The following VPS13C variants were observed in gnomAD, a reference collection of about 807,000 sequenced individuals.
VPS13C encodes vacuolar protein sorting 13 homolog C.
Under a neutral mutation model 456.8 loss-of-function variants are expected in VPS13C, and 358 were observed. That is an observed-to-expected ratio of 0.78 (90% CI 0.72 to 0.86). The LOEUF is 0.86. VPS13C is among the 40% of genes least tolerant of loss of function. The pLI, the probability that VPS13C is intolerant of heterozygous loss-of-function variation, is 0.00. For missense variants in VPS13C, 4,818 were observed against 4,385.4 expected (o/e 1.10, Z -2.79); for synonymous variants, 1,578 against 1,486.7 (o/e 1.06, Z -1.41).
rs1248865650 is a variant in VPS13C at position 61,858,423 on chromosome 15, C to T, written c.10953-2014G>A. Reference sequence around the variant, plus strand: ...CCTTTCTCCTCTACATCCACTCAGTCACCAAGCCTTGTCTCATAAGTCAAA... The same window carrying T: ...CCTTTCTCCTCTACATCCACTCAGTTACCAAGCCTTGTCTCATAAGTCAAA... On this transcript the variant is annotated intron_variant, in intron 82 of 84. Transcript: ENST00000644861. This position sits in a 1 kb window ranked among gnomAD's most constrained non-coding sequence, Gnocchi z 4.4. 2.0e-5 allele frequency among the ~76,000 whole-genome samples: 3 copies of T among 152,096 alleles called. No individual in the cohort carries two copies. The highest frequency in any genetic ancestry group is 7.2e-5 in the African/African-American group (3 of 41,400).
rs185692367 is a variant in VPS13C, at chr15:61,927,339, G to C, written c.6287-19C>G. The C allele has an allele frequency of 2.9e-4, 462 of 1,601,916 alleles. 2 individuals are homozygous for C. In the Middle Eastern group the frequency reaches 3.5e-3, roughly 12 times the overall value. On this transcript the variant is annotated intron_variant, in intron 51 of 84. Transcript: ENST00000644861. ...GAGTCATCTGAAGAAACAAGCAACA[G>C]GAACCAGAAAAGTTTAAGGTAAGTC...
intron 1 of VPS13C, among the ~76,000 whole-genome samples, chr15:62,052,553 G>A (rs2048656787): frequency 6.6e-6 from 1 of 151,238 alleles, no homozygotes; most frequent in African/African-American, 2.4e-5. Context: ...GGTGCCTGTA[G>A]TCCTAGCTAC....
rs1332553457 is a variant in VPS13C at position 61,941,615 on chromosome 15, C to A, written c.5453+148G>T. 9 of 796,096 alleles carry A rather than the reference C, an allele frequency of 1.1e-5. No homozygotes were observed. In the African/African-American group the frequency reaches 1.4e-4, roughly 12 times the overall value. 49.3% of individuals were successfully genotyped at this position (796,096 alleles called of 1,614,324 possible). On this transcript the variant is annotated intron_variant, in intron 46 of 84. Transcript: ENST00000644861. ...AGGCACATACATGACTGTTTAACCA[C>A]TGACCAAGAAGCCAATGGTCAAGGT...
At chr15:62,000,516 G>C (rs753914841) in intron 16 of VPS13C, 48 bp downstream of exon 16, 4 of 1,514,980 alleles carry the variant, frequency 2.6e-6, no homozygotes, top group East Asian at 2.3e-5. Context: ...GTTTAAAAGC[G>C]GGCATTAACA....
In VPS13C at chr15:61,917,550, G is replaced by A; in HGVS notation, c.7846C>T (p.His2616Tyr). Residue 2616 changes from histidine to tyrosine, a missense_variant, in exon 60 of 85, where the codon CAT becomes TAT. Physicochemically the swap from His to Tyr is moderately conservative, Grantham distance 83. Coordinates refer to ENST00000644861, the MANE Select transcript of VPS13C (RefSeq NM_020821.3). ...ATGCATCTGACTTCCCTGCTCCTAT[G>A]AAGTTCTTCCTTCCAGGAAATATAA... ...TTYISWKEEL[H>Y]RSREVRCMLQ... 2 of 1,614,004 alleles carry A rather than the reference G, an allele frequency of 1.2e-6. No individual in the cohort carries two copies.
intron 77 of VPS13C, among the ~76,000 whole-genome samples, chr15:61,874,041 G>A (rs1162889717): frequency 6.6e-6 from 1 of 151,848 alleles, no homozygotes; most frequent in African/African-American, 2.4e-5. Flanking sequence ...ACTTGGATGA[G>A]CCTGGAGGAC....
At chr15:61,968,222 T>G (rs913922917) in intron 28 of VPS13C, among the ~76,000 whole-genome samples, 1 of 152,010 alleles carries the variant, frequency 6.6e-6, no homozygotes, top group African/African-American at 2.4e-5. Flanking sequence ...GTCAGTGTTC[T>G]GTAACCAAGG....
At chr15:62,017,830 T>G (rs1356527803) in intron 9 of VPS13C, among the ~76,000 whole-genome samples, 1 of 152,296 alleles carries the variant, frequency 6.6e-6, no homozygotes, top group South Asian at 2.1e-4. Context: ...AAGAAAGTCA[T>G]TGGTAGCTTG....
intron 24 of VPS13C, among the ~76,000 whole-genome samples, chr15:61,975,224 G>C (rs2045669634): frequency 6.6e-6 from 1 of 151,720 alleles, no homozygotes; most frequent in Non-Finnish European, 1.5e-5. Context: ...TAAGAAACTA[G>C]GACTGAAAAG....
intron 36 of VPS13C, among the ~76,000 whole-genome samples, chr15:61,958,972 T>C (rs1199506030): frequency 2.0e-5 from 3 of 152,106 alleles, no homozygotes; most frequent in Non-Finnish European, 4.4e-5. Context: ...ACTTGACTTA[T>C]GTTTATTGAA....
At chr15:62,024,888 C>G (rs1377665307) in intron 6 of VPS13C, among the ~76,000 whole-genome samples, 1 of 152,028 alleles carries the variant, frequency 6.6e-6, no homozygotes, top group Non-Finnish European at 1.5e-5. Flanking sequence ...CGTCACCCTC[C>G]CGGAAGTTCT....
chr15:61,863,584 C>T (rs1894345548), intron 81 of VPS13C, 56 bp from the exon 82 acceptor site: 1 of 1,135,954 alleles, frequency 8.8e-7, no homozygotes, highest in South Asian at 1.3e-5. Context: ...GTAGTATTTA[C>T]AATACTGCAT....
intron 73 of VPS13C, among the ~76,000 whole-genome samples, chr15:61,880,180 T>C (rs1222851678): frequency 6.6e-6 from 1 of 152,096 alleles, no homozygotes; most frequent in South Asian, 2.1e-4. Context: ...CTCCCTTAGT[T>C]ACAAGCAAAT....
chr15:61,894,080 C>CTA (rs2042731365), intron 66 of VPS13C, among the ~76,000 whole-genome samples: 2 of 151,844 alleles, frequency 1.3e-5, no homozygotes, highest in African/African-American at 4.8e-5. Context: ...CCGAGGTGGG[C>CTA]GGATTGTCTG....
chr15:61,986,718 T>G (rs973617659), intron 18 of VPS13C, among the ~76,000 whole-genome samples: 5 of 151,882 alleles, frequency 3.3e-5, no homozygotes, highest in African/African-American at 1.2e-4. Flanking sequence ...GGTAAAGAGA[T>G]TTTCTTAAAA....
chr15:61,949,607 T>G lies in VPS13C; in HGVS notation c.4597-2A>C, dbSNP rs1225838126. ...TAAGTCTAAGGATGCAAATGAAACCTAAGATAATGAACAATTAAAGAGGCA... is the reference window on the plus strand; with the variant it reads ...TAAGTCTAAGGATGCAAATGAAACCGAAGATAATGAACAATTAAAGAGGCA... On this transcript the variant is annotated splice_acceptor_variant, in intron 41 of 84. Transcript: ENST00000644861. LOFTEE classifies it high-confidence loss of function. 3.1e-6 allele frequency: 5 copies of G among 1,592,358 alleles called. No homozygotes were observed. Among genetic ancestry groups the G allele is most frequent in the Non-Finnish European group, 4.3e-6 (5 of 1,174,824 alleles).
At chr15:61,990,589 T>C (rs2046194713) in intron 18 of VPS13C, among the ~76,000 whole-genome samples, 1 of 152,088 alleles carries the variant, frequency 6.6e-6, no homozygotes, top group African/African-American at 2.4e-5. Context: ...GGAAGGCAGG[T>C]CACCTGAGGT....
intron 83 of VPS13C, among the ~76,000 whole-genome samples, chr15:61,855,960 T>C (rs1023893677): frequency 6.6e-6 from 1 of 151,796 alleles, no homozygotes; most frequent in Non-Finnish European, 1.5e-5. Flanking sequence ...TTTCCAGAAA[T>C]GTCTAAGATT....
chr15:61,919,581 T>C (rs962333831), intron 57 of VPS13C, 132 bp from the exon 58 acceptor site: 2 of 964,708 alleles, frequency 2.1e-6, no homozygotes, highest in African/African-American at 3.4e-5. Flanking sequence ...CAAATTGCTT[T>C]TCTAAGACAT....
Sources: gnomAD v4.1 joint callset for allele counts (sites outside exome capture counted in the v4.1 genomes callset) on GRCh38, gnomAD v4.1.1 for gene constraint, Gnocchi (gnomAD v3.1) non-coding constraint, MANE v1.5 for transcripts, NCBI Gene and HGNC (gene_info 2026-07-23, HGNC 2026-07-21) for gene names.